Variants in RMDN2 observed in about 807,000 individuals in gnomAD.
RMDN2 encodes the protein regulator of microtubule dynamics 2, also known as regulator of microtubule dynamics protein 2.
A neutral mutation model predicts 52.8 loss-of-function variants in RMDN2; 61 were observed. That is an observed-to-expected ratio of 1.16 (90% CI 0.94 to 1.43). RMDN2 has a LOEUF of 1.43. Ranked by LOEUF, RMDN2 falls within the 40% of genes most tolerant of loss-of-function variation. The probability of loss-of-function intolerance (pLI) is 0.00; values close to 1 mark genes in which losing one functional copy is unlikely to be tolerated. For missense variants in RMDN2, 592 were observed against 475.3 expected (o/e 1.25, Z -2.28); for synonymous variants, 180 against 153.1 (o/e 1.18, Z -1.30).
intron 2 of RMDN2, among the ~76,000 whole-genome samples, chr2:37,961,702 A>T (rs1429954169): frequency 6.6e-6 from 1 of 152,002 alleles, no homozygotes; most frequent in Non-Finnish European, 1.5e-5. Flanking sequence ...CAACTTGTCA[A>T]AGTCATTCTC....
intron 2 of RMDN2, among the ~76,000 whole-genome samples, chr2:37,933,886 A>T (rs973084878): frequency 9.2e-5 from 14 of 152,126 alleles, no homozygotes; most frequent in Admixed American, 2.0e-4. Context: ...TAAATAAAAT[A>T]TTTTTCAGAA....
chr2:37,976,005 C>T (rs1319032338), intron 4 of RMDN2, among the ~76,000 whole-genome samples: 1 of 152,118 alleles, frequency 6.6e-6, no homozygotes, highest in African/African-American at 2.4e-5. Context: ...AGTTGTCAAC[C>T]ACAGTTAAAG....
chr2:38,007,479 T>A (rs1677278278), intron 10 of RMDN2, among the ~76,000 whole-genome samples: 2 of 152,264 alleles, frequency 1.3e-5, no homozygotes, highest in African/African-American at 2.4e-5. Context: ...CCAGATTTTC[T>A]AGTTTATTTG....
chr2:38,041,575 C>T (rs2116232), intron 10 of RMDN2, among the ~76,000 whole-genome samples: 3 of 151,616 alleles, frequency 2.0e-5, no homozygotes, highest in Non-Finnish European at 2.9e-5. Context: ...TGTTAACTGT[C>T]GGCCTTTTGT....
chr2:37,932,681 CG>C (rs36016602), intron 2 of RMDN2, among the ~76,000 whole-genome samples: 1 of 142,670 alleles, frequency 7.0e-6, no homozygotes, highest in Non-Finnish European at 1.6e-5. Flanking sequence ...GCTGGCCGGG[CG>C]GGGGGCTGAC....
intron 4 of RMDN2, among the ~76,000 whole-genome samples, chr2:37,976,758 T>G (rs998305638): frequency 6.6e-6 from 1 of 152,210 alleles, no homozygotes; most frequent in East Asian, 1.9e-4. Context: ...CAAGGGGATT[T>G]ATTTTCATAT....
chr2:37,942,071 A>T (rs1159882530), intron 2 of RMDN2, among the ~76,000 whole-genome samples: 1 of 152,132 alleles, frequency 6.6e-6, no homozygotes, highest in African/African-American at 2.4e-5. Context: ...TGGGTTGTGA[A>T]GACCGTGGGA....
intron 4 of RMDN2, among the ~76,000 whole-genome samples, chr2:37,979,302 T>C (rs539905087): frequency 6.6e-6 from 1 of 152,268 alleles, no homozygotes; most frequent in African/African-American, 2.4e-5. Flanking sequence ...ACCTATTCTA[T>C]GGAAAAGATA....
upstream of RMDN2, among the ~76,000 whole-genome samples, chr2:37,925,085 A>C (rs1337394246): frequency 1.3e-5 from 2 of 151,938 alleles, no homozygotes; most frequent in Non-Finnish European, 2.9e-5. Flanking sequence ...CAGGCGGGGG[A>C]AAAGGTGCCG....
chr2:37,977,717 C>A (rs1672707830), intron 4 of RMDN2, among the ~76,000 whole-genome samples: 1 of 151,624 alleles, frequency 6.6e-6, no homozygotes, highest in African/African-American at 2.4e-5. Context: ...CTTCACATCT[C>A]AGATGGGGCG....
At chr2:37,933,666 G>A (rs1312640304) in intron 2 of RMDN2, among the ~76,000 whole-genome samples, 2 of 152,248 alleles carry the variant, frequency 1.3e-5, no homozygotes, top group African/African-American at 4.8e-5. Flanking sequence ...CAGGCACTTG[G>A]CAGGCTGAGG....
intron 10 of RMDN2, among the ~76,000 whole-genome samples, chr2:38,011,550 A>G (rs1678002085): frequency 6.6e-6 from 1 of 152,184 alleles, no homozygotes; most frequent in African/African-American, 2.4e-5. Context: ...TCTGAACTAT[A>G]AACAAATAAG....
At position 38,017,558 on chromosome 2, in the gene RMDN2, A is replaced by G. The variant is rs1279886535; in HGVS notation, c.*319A>G. On this transcript the variant is annotated 3_prime_UTR_variant, in exon 11 of 11. Transcript: ENST00000354545. Reference sequence around the variant, plus strand: ...TCCAATAAAATGAATTCTCATGAATATTTTATTGTTTCAATGGAGACTTCG... The same window carrying G: ...TCCAATAAAATGAATTCTCATGAATGTTTTATTGTTTCAATGGAGACTTCG... The G allele has an allele frequency of 8.4e-7, 1 of 1,186,386 alleles. No homozygotes were observed. The highest frequency in any genetic ancestry group is 1.1e-6 in the Non-Finnish European group (1 of 898,894). The allele number at this position is 1,186,386 out of a possible 1,614,324, so 73.5% of individuals were successfully genotyped here. A position where few individuals can be genotyped will look rare whatever the true frequency, so the allele number is the denominator to read the frequency against.
intron 10 of RMDN2, among the ~76,000 whole-genome samples, chr2:38,061,132 T>C (rs1233844514): frequency 6.6e-6 from 1 of 152,134 alleles, no homozygotes; most frequent in Admixed American, 6.5e-5. Context: ...GGTTATTCTT[T>C]AGGAACAAGT....
intron 2 of RMDN2, among the ~76,000 whole-genome samples, chr2:37,943,612 G>A (rs1425752715): frequency 1.3e-5 from 2 of 152,202 alleles, no homozygotes; most frequent in Non-Finnish European, 2.9e-5. Context: ...AGAAGGAAAT[G>A]ATCAGATGTA....
At chr2:38,047,916 C>T (rs1306998967) in intron 10 of RMDN2, among the ~76,000 whole-genome samples, 1 of 152,172 alleles carries the variant, frequency 6.6e-6, no homozygotes, top group Non-Finnish European at 1.5e-5. Flanking sequence ...TTGTTCACTG[C>T]ACTTGTGGGA....
downstream of RMDN2, among the ~76,000 whole-genome samples, chr2:38,018,462 A>C (rs1223307239): frequency 1.3e-5 from 2 of 152,378 alleles, no homozygotes; most frequent in East Asian, 3.9e-4. Flanking sequence ...AGATGTTCAT[A>C]ACAGCATAGC....
chr2:37,998,965 A>G (rs1675949170), intron 8 of RMDN2, among the ~76,000 whole-genome samples: 1 of 152,200 alleles, frequency 6.6e-6, no homozygotes, highest in Admixed American at 6.5e-5. Context: ...TTGTATAAGA[A>G]TGTAGATTAT....
intron 10 of RMDN2, chr2:38,033,354 C>A (rs1374721704): frequency 6.6e-6 from 1 of 152,140 alleles, no homozygotes; most frequent in Non-Finnish European, 1.5e-5. Context: ...CTTCAGAAAC[C>A]CACTCTATAG....
Sources: gnomAD v4.1 joint callset for allele counts (sites outside exome capture counted in the v4.1 genomes callset) on GRCh38, gnomAD v4.1.1 for gene constraint, MANE v1.5 for transcripts, NCBI Gene and HGNC (gene_info 2026-07-23, HGNC 2026-07-21) for gene names.